The following IL1RAPL1 variants were observed in gnomAD, a reference collection of about 807,000 sequenced individuals.
IL1RAPL1 encodes the protein interleukin-1 receptor accessory protein-like 1.
In IL1RAPL1, 3 loss-of-function variants were observed where a neutral mutation model predicts 48.4. The observed-to-expected ratio is 0.06, with a 90% CI of 0.03 to 0.16. IL1RAPL1 has a LOEUF of 0.16. IL1RAPL1 is among the 10% of genes least tolerant of loss of function. The probability of loss-of-function intolerance (pLI) is 1.00; values close to 1 mark genes in which losing one functional copy is unlikely to be tolerated. For synonymous variants in IL1RAPL1, 185 were observed against 187.7 expected (o/e 0.99, Z 0.12); for missense variants, 349 against 530.6 (o/e 0.66, Z 3.36).
chrX:29,573,360 G>T (rs723598), intron 5 of IL1RAPL1, among the ~76,000 whole-genome samples: 17,548 of 111,858 alleles, frequency 0.16, 2,705 homozygotes, highest in African/African-American at 0.48. Flanking sequence ...AAGTTCATAG[G>T]TAGTAACAAA....
At chrX:29,679,495 T>A (rs952910205) in intron 6 of IL1RAPL1, among the ~76,000 whole-genome samples, 2 of 112,051 alleles carry the variant, frequency 1.8e-5, no homozygotes, top group African/African-American at 6.5e-5. Flanking sequence ...TATTTATAAG[T>A]AGTATGAATA....
intron 5 of IL1RAPL1, among the ~76,000 whole-genome samples, chrX:29,543,762 G>A (rs1475052532): frequency 9.0e-6 from 1 of 110,828 alleles, no homozygotes; most frequent in African/African-American, 3.3e-5. Context: ...TGCAGATACT[G>A]ACATAAGGTA....
intron 2 of IL1RAPL1, among the ~76,000 whole-genome samples, chrX:29,123,777 T>C (rs1928845639): frequency 8.9e-6 from 1 of 112,013 alleles, no homozygotes; most frequent in Admixed American, 9.5e-5. Flanking sequence ...ACTTGAAGTG[T>C]GGCTAGTAGA....
intron 2 of IL1RAPL1, among the ~76,000 whole-genome samples, chrX:29,168,885 A>G (rs148484619): frequency 0.23 from 8,756 of 38,882 alleles, 1,186 homozygotes; most frequent in Middle Eastern, 0.27. Context: ...AATTGTATAT[A>G]TATATTCATA....
chrX:29,235,657 T>TA (rs906351274), intron 2 of IL1RAPL1, among the ~76,000 whole-genome samples: 12 of 111,912 alleles, frequency 1.1e-4, no homozygotes, highest in Non-Finnish European at 2.3e-4. Flanking sequence ...AAACTGATTT[T>TA]AAAAAAACAA....
intron 3 of IL1RAPL1, among the ~76,000 whole-genome samples, chrX:29,373,867 ATTTTTTTTT>A (rs59750110): frequency 1.8e-4 from 4 of 21,658 alleles, no homozygotes; most frequent in Non-Finnish European, 2.4e-4. Flanking sequence ...TCTCTTTTTA[ATTTTTTTTT>A]TTTTTTTTTT....
intron 2 of IL1RAPL1, among the ~76,000 whole-genome samples, chrX:29,127,950 T>C (rs1198751319): frequency 1.0e-5 from 1 of 96,735 alleles, no homozygotes; most frequent in African/African-American, 3.7e-5. Flanking sequence ...GGAGACAGAG[T>C]GAGACTCGAT....
chrX:29,496,581 G>A (rs140693388), intron 5 of IL1RAPL1, among the ~76,000 whole-genome samples: 1,090 of 103,694 alleles, frequency 0.011, 12 homozygotes, highest in African/African-American at 0.037. Flanking sequence ...CCAGCACCAC[G>A]CTCCCTGTAA....
chrX:29,503,957 CT>C (rs369285020), intron 5 of IL1RAPL1, among the ~76,000 whole-genome samples: 203 of 94,586 alleles, frequency 2.1e-3, no homozygotes, highest in Middle Eastern at 5.4e-3. Context: ...AGCCTGAATC[CT>C]TTTTTTTTTT....
chrX:29,183,997 C>CT (rs748247901), intron 2 of IL1RAPL1, among the ~76,000 whole-genome samples: 4 of 112,109 alleles, frequency 3.6e-5, no homozygotes, highest in Non-Finnish European at 7.5e-5. Context: ...TCCAGCCCCC[C>CT]TTTTTTTAAA....
intron 2 of IL1RAPL1, among the ~76,000 whole-genome samples, chrX:29,018,104 C>T (rs1926282537): frequency 9.0e-6 from 1 of 111,718 alleles, no homozygotes; most frequent in Non-Finnish European, 1.9e-5. Context: ...ATGATTATCA[C>T]CTTTGTATTG....
At chrX:29,939,863 T>A (rs1436620829) in intron 8 of IL1RAPL1, among the ~76,000 whole-genome samples, 1 of 101,382 alleles carries the variant, frequency 9.9e-6, no homozygotes, top group Non-Finnish European at 2.0e-5. Flanking sequence ...GAATGAGGAT[T>A]TTTTTTTTTT....
intron 2 of IL1RAPL1, among the ~76,000 whole-genome samples, chrX:29,244,170 T>C (rs1254863844): frequency 1.8e-5 from 2 of 112,272 alleles, no homozygotes; most frequent in Non-Finnish European, 3.8e-5. Flanking sequence ...AGAAAGTTGA[T>C]AGCTGCATTA....
intron 2 of IL1RAPL1, among the ~76,000 whole-genome samples, chrX:28,931,668 G>A (rs1253246009): frequency 9.0e-6 from 1 of 111,689 alleles, no homozygotes; most frequent in Non-Finnish European, 1.9e-5. Flanking sequence ...TTGTTATTCA[G>A]TATTTAATAT....
chrX:29,947,749 G>T (rs1029394308), intron 9 of IL1RAPL1, among the ~76,000 whole-genome samples: 7 of 100,907 alleles, frequency 6.9e-5, no homozygotes, highest in Admixed American at 6.4e-4. Context: ...GATTTTTTTT[G>T]GTGTTTTTTT....
intron 5 of IL1RAPL1, among the ~76,000 whole-genome samples, chrX:29,645,491 A>T (rs1282392901): frequency 9.1e-6 from 1 of 110,489 alleles, no homozygotes. Flanking sequence ...GCCTGCTACA[A>T]TGAAATCTAG....
At chrX:29,722,069 T>G (rs1391105862) in intron 6 of IL1RAPL1, among the ~76,000 whole-genome samples, 2 of 111,759 alleles carry the variant, frequency 1.8e-5, no homozygotes, top group Non-Finnish European at 3.8e-5. Flanking sequence ...CCTTCTTTTT[T>G]ATTGTATTTA....
intron 2 of IL1RAPL1, among the ~76,000 whole-genome samples, chrX:29,206,044 A>G (rs1282174557): frequency 9.0e-6 from 1 of 111,375 alleles, no homozygotes; most frequent in East Asian, 2.8e-4. Context: ...CGCCTGGCCG[A>G]TATTAGTTTC....
chrX:28,792,850 TAA>T (rs758898547), intron 2 of IL1RAPL1, among the ~76,000 whole-genome samples: 1,201 of 42,258 alleles, frequency 0.028, 109 homozygotes, highest in African/African-American at 0.064. Context: ...TATATATATA[TAA>T]AAAATAAGGC....
Sources: allele counts gnomAD v4.1 joint callset (sites outside exome capture counted in the v4.1 genomes callset), GRCh38; gene constraint gnomAD v4.1.1; transcripts MANE v1.5; gene names NCBI Gene and HGNC (gene_info 2026-07-23, HGNC 2026-07-21).